Variants in NPAS1 observed in about 807,000 individuals in gnomAD.
NPAS1 encodes the protein neuronal PAS domain-containing protein 1.
Under a neutral mutation model 49.2 loss-of-function variants are expected in NPAS1, and 29 were observed. The observed-to-expected ratio is 0.59, with a 90% confidence interval of 0.44 to 0.80. NPAS1 has a LOEUF of 0.80. NPAS1 is among the 30% of genes least tolerant of loss of function. The pLI is 0.00. For synonymous variants in NPAS1, 408 were observed against 380.4 expected, an observed-to-expected ratio of 1.07 and a Z score of -0.84; for missense variants, 825 against 835.5, an observed-to-expected ratio of 0.99 and a Z score of 0.15.
chr19:47,029,123 C>T (rs1469167254), intron 3 of NPAS1, among the ~76,000 whole-genome samples: 1 of 151,764 alleles, frequency 6.6e-6, no homozygotes, highest in Non-Finnish European at 1.5e-5. Flanking sequence ...CTCTTGCTGC[C>T]CAGGCTGGAG....
chr19:47,032,576 C>A, intron 4 of NPAS1, 67 bp from the exon 5 acceptor site: 1 of 1,445,766 alleles, frequency 6.9e-7, no homozygotes, highest in Non-Finnish European at 9.7e-7. Flanking sequence ...AACCTCTTAC[C>A]ACTTGGCGGC....
chr19:47,045,404 G>A lies in NPAS1; in HGVS notation c.1526G>A (p.Arg509Gln), dbSNP rs535071978. Reference sequence around the variant, plus strand: ...GGGGTCCTGAAGCAGGATCCGGTGCGGCCATGGGGCCTGGCGCCTCCCGGG... The same window carrying A: ...GGGGTCCTGAAGCAGGATCCGGTGCAGCCATGGGGCCTGGCGCCTCCCGGG... ...RAGVLKQDPVRPWGLAPPGDP... is the reference protein window; with the variant it reads ...RAGVLKQDPVQPWGLAPPGDP... The change falls in exon 12 of 12, where the codon CGG becomes CAG. Residue 509 changes from arginine (R) to glutamine (Q), a missense_variant. Coordinates refer to ENST00000602212, the MANE Select transcript of NPAS1 (RefSeq NM_002517.4). 6.2e-7 allele frequency: 1 copy of A among 1,611,156 alleles called. No homozygotes were observed. Among genetic ancestry groups the A allele is most frequent in the East Asian group, 2.2e-5 (1 of 44,818 alleles).
chr19:47,042,043 C>G lies in NPAS1; in HGVS notation c.1218-767C>G, dbSNP rs2057028154. Among the ~76,000 whole-genome samples the G allele has an allele frequency of 2.0e-5, 3 of 149,360 alleles. No individual in the cohort carries two copies. In the South Asian group the frequency reaches 6.4e-4, roughly 32 times the overall value. ...CCCTTCTAGGCCAGGCACAGTGGCT[C>G]ACGCCTGGAATCCCAGCACTTTGGG... On this transcript the variant is annotated intron_variant, in intron 10 of 11. Coordinates refer to ENST00000602212, the MANE Select transcript of NPAS1 (RefSeq NM_002517.4).
At chr19:47,039,261 CTGGGTCTGGGAA>C in intron 7 of NPAS1, 110 bp downstream of exon 7, 2 of 1,459,838 alleles carry the variant, frequency 1.4e-6, no homozygotes, top group South Asian at 2.6e-5. Flanking sequence ...GCTTAGGGAA[CTGGGTCTGGGAA>C]TGGGACTGGG....
At chr19:47,031,782 G>A (rs529914801) in intron 3 of NPAS1, among the ~76,000 whole-genome samples, 2 of 151,338 alleles carry the variant, frequency 1.3e-5, no homozygotes, top group East Asian at 3.9e-4. Flanking sequence ...GCCTGCCTCA[G>A]CCTCCCAAAG....
intron 5 of NPAS1, among the ~76,000 whole-genome samples, chr19:47,034,533 A>G (rs977280074): frequency 1.3e-5 from 2 of 152,116 alleles, no homozygotes; most frequent in Non-Finnish European, 2.9e-5. Flanking sequence ...GAGGAGGAAG[A>G]CACCAAAAGG....
Position 47,021,516 on chromosome 19 carries a change from C to A in NPAS1, c.123-96C>A. ...TGGAATCCACTCCCAACGTCCCGTC[C>A]CGTTCCCAAGGCCCCGGGAGGCGGG... On this transcript the variant is annotated intron_variant, in intron 2 of 11. Transcript: ENST00000602212. The surrounding 1 kb of genome is among the most constrained non-coding windows in gnomAD (Gnocchi z 5.7). 1.2e-6 allele frequency: 1 copy of A among 825,198 alleles called. No homozygotes were observed. Among genetic ancestry groups the A allele is most frequent in the Middle Eastern group, 3.7e-4 (1 of 2,672 alleles). 51.1% of individuals were successfully genotyped at this position (825,198 alleles called of 1,614,324 possible).
Position 47,021,209 on chromosome 19 carries a change from C to G in NPAS1, c.122+40C>G. On this transcript the variant is annotated intron_variant, in intron 2 of 11. Transcript: ENST00000602212. The surrounding 1 kb of genome is among the most constrained non-coding windows in gnomAD (Gnocchi z 5.7). Reference sequence around the variant, plus strand: ...GCCCCCCTGGCCGCGGGCCCCCCCCCGGGTCCAATTCACACCCGATGTTCT... The same window carrying G: ...GCCCCCCTGGCCGCGGGCCCCCCCCGGGGTCCAATTCACACCCGATGTTCT... 1 of 1,471,606 alleles carries G rather than the reference C, an allele frequency of 6.8e-7. No homozygotes were observed. The highest frequency in any genetic ancestry group is 9.1e-7 in the Non-Finnish European group (1 of 1,102,548). 91.2% of individuals were successfully genotyped at this position (1,471,606 alleles called of 1,614,324 possible).
chr19:47,024,780 C>A (rs568986171), intron 3 of NPAS1, among the ~76,000 whole-genome samples: 1 of 151,906 alleles, frequency 6.6e-6, no homozygotes, highest in East Asian at 1.9e-4. Context: ...GAGGAGACCG[C>A]CCAAATCTCA....
rs2056844996 is a variant in NPAS1 at position 47,021,921 on chromosome 19, G to A, written c.358+74G>A. 4.0e-6 allele frequency: 4 copies of A among 989,044 alleles called. No individual in the cohort carries two copies. The highest frequency in any genetic ancestry group is 4.2e-5 in the South Asian group (2 of 47,690). The allele number at this position is 989,044 out of a possible 1,614,324, so 61.3% of individuals were successfully genotyped here. Reference sequence around the variant, plus strand: ...TCACTGCAGCCCAGATCCGGGCTGCGGGCCTGCCCTCGCCCAGATGCTTGT... The same window carrying A: ...TCACTGCAGCCCAGATCCGGGCTGCAGGCCTGCCCTCGCCCAGATGCTTGT... On this transcript the variant is annotated intron_variant, in intron 3 of 11. Transcript: ENST00000602212. This position sits in a 1 kb window ranked among gnomAD's most constrained non-coding sequence, Gnocchi z 5.7.
rs55931402 is a variant in NPAS1 at position 47,030,636 on chromosome 19, C to CTT, written c.359-1612_359-1611dup. Among the ~76,000 whole-genome samples the CTT allele has an allele frequency of 5.4e-4, 52 of 96,794 alleles. 2 individuals are homozygous for CTT. The highest frequency in any genetic ancestry group is 8.4e-4 in the Non-Finnish European group (42 of 49,762). The allele number at this position is 96,794 out of a possible 152,430, so 63.5% of individuals were successfully genotyped here. Reference sequence around the variant, plus strand: ...TGAGCCACCGTGCCTGGCCCTTTGCCTTTTTTTTTTTTTTTTTTTTTTTTT... The same window carrying CTT: ...TGAGCCACCGTGCCTGGCCCTTTGCCTTTTTTTTTTTTTTTTTTTTTTTTTTT... On this transcript the variant is annotated intron_variant, in intron 3 of 11. Coordinates refer to ENST00000602212, the MANE Select transcript of NPAS1 (RefSeq NM_002517.4).
chr19:47,021,892 G>T lies in NPAS1; in HGVS notation c.358+45G>T. ...GCGAGGGTCCCGGGGCCCTCCAGGC[G>T]GAGTCACTGCAGCCCAGATCCGGGC... On this transcript the variant is annotated intron_variant, in intron 3 of 11. Transcript: ENST00000602212. This position sits in a 1 kb window ranked among gnomAD's most constrained non-coding sequence, Gnocchi z 5.7. 7.8e-7 allele frequency: 1 copy of T among 1,278,262 alleles called. No individual in the cohort carries two copies. Among genetic ancestry groups the T allele is most frequent in the Non-Finnish European group, 1.0e-6 (1 of 975,136 alleles). 79.2% of individuals were successfully genotyped at this position (1,278,262 alleles called of 1,614,324 possible).
intron 3 of NPAS1, among the ~76,000 whole-genome samples, chr19:47,028,661 G>A (rs1278876861): frequency 6.6e-6 from 1 of 152,152 alleles, no homozygotes; most frequent in Non-Finnish European, 1.5e-5. Context: ...GCACAGAGCG[G>A]CAGAGAGGCT....
intron 11 of NPAS1, 102 bp from the exon 12 acceptor site, chr19:47,045,089 C>A: frequency 1.8e-6 from 2 of 1,118,620 alleles, no homozygotes; most frequent in South Asian, 2.9e-5. Context: ...CCACTCCCAG[C>A]TGAGAACTAC....
At chr19:47,027,761 A>G (rs1198841557) in intron 3 of NPAS1, among the ~76,000 whole-genome samples, 1 of 151,906 alleles carries the variant, frequency 6.6e-6, no homozygotes, top group Admixed American at 6.6e-5. Flanking sequence ...CTCTCTGCGC[A>G]AGAGATGAGG....
intron 4 of NPAS1, 41 bp from the exon 5 acceptor site, chr19:47,032,600 ACC>A: frequency 6.4e-7 from 1 of 1,556,300 alleles, no homozygotes; most frequent in Non-Finnish European, 8.9e-7. Context: ...ACAGAGGGAC[ACC>A]GGGTCCTCTC....
At chr19:47,044,220 C>T (rs1301082893) in intron 11 of NPAS1, among the ~76,000 whole-genome samples, 1 of 152,040 alleles carries the variant, frequency 6.6e-6, no homozygotes, top group African/African-American at 2.4e-5. Flanking sequence ...ATTACAGGCA[C>T]CTACCACCAT....
At chr19:47,037,639 G>A (rs531685521) in intron 6 of NPAS1, among the ~76,000 whole-genome samples, 1 of 152,166 alleles carries the variant, frequency 6.6e-6, no homozygotes, top group South Asian at 2.1e-4. Context: ...GAGATGTTGG[G>A]GGCCTATGAG....
At chr19:47,020,755 C>A in intron 1 of NPAS1, 1 of 197,186 alleles carries the variant, frequency 5.1e-6, no homozygotes, top group Non-Finnish European at 1.0e-5. Context: ...GCCGGCCCGG[C>A]GCGGGCGTGA....
Sources: allele counts gnomAD v4.1 joint callset (sites outside exome capture counted in the v4.1 genomes callset), GRCh38; gene constraint gnomAD v4.1.1; non-coding constraint Gnocchi (gnomAD v3.1); transcripts MANE v1.5; gene names NCBI Gene and HGNC (gene_info 2026-07-23, HGNC 2026-07-21).